Variants in FANCE observed in about 807,000 individuals in gnomAD.
FANCE encodes Fanconi anemia group E protein.
In FANCE, 42 loss-of-function variants were observed where a neutral mutation model predicts 57.8. That is an observed-to-expected ratio of 0.73 (90% CI 0.57 to 0.94). The LOEUF is 0.94. Ranked by LOEUF, FANCE falls within the 40% of genes least tolerant of loss-of-function variation. The pLI is 0.00. For synonymous variants in FANCE, 251 were observed against 286.4 expected, an observed-to-expected ratio of 0.88 and a Z score of 1.25; for missense variants, 608 against 661.8, an observed-to-expected ratio of 0.92 and a Z score of 0.89.
At chr6:35,458,275 T>TC (rs766204656) in intron 4 of FANCE, 22 bp from the exon 5 acceptor site, 4 of 1,612,214 alleles carry the variant, frequency 2.5e-6, no homozygotes, top group Non-Finnish European at 3.4e-6. Context: ...GTGTCCTCTC[T>TC]CCCCCCGCAC....
intron 9 of FANCE, 136 bp from the exon 10 acceptor site, chr6:35,466,108 G>A: frequency 1.4e-6 from 1 of 690,978 alleles, no homozygotes. Context: ...GTGAAATAAT[G>A]AGATTAGATT....
In FANCE at chr6:35,458,315, C is replaced by G. The variant is rs1263409404; in HGVS notation, c.988C>G (p.Gln330Glu). The stretch of plus-strand genomic sequence containing the variant: ...TAAGCAGATGGACTTGCTGTGTGCC[C>G]AGCTGCAGCTCCCTCAGCTCTCAGA... ...SPSQMDLLCA[Q>E]LQLPQLSDLG... Residue 330 changes from glutamine (Q) to glutamate (E), a missense_variant, in exon 5 of 10, where the codon CAG becomes GAG. By Grantham distance (29) the Gln-to-Glu change is conservative. Transcript: ENST00000229769. 4 of 1,614,040 alleles carry G rather than the reference C, an allele frequency of 2.5e-6. No homozygotes were observed. Among genetic ancestry groups the G allele is most frequent in the East Asian group, 2.2e-5 (1 of 44,888 alleles).
intron 8 of FANCE, among the ~76,000 whole-genome samples, chr6:35,461,372 C>T (rs957728210): frequency 6.6e-6 from 1 of 152,138 alleles, no homozygotes; most frequent in Non-Finnish European, 1.5e-5. Context: ...GAAAAATATT[C>T]CCCTTACTTC....
Position 35,456,517 on chromosome 6 carries a change from CTCT to C in FANCE, c.855+166_855+168del, listed in dbSNP as rs1240512347. ...GGGAATGTAGCCTCCACTCTACAGACTCTTTTTTTTTTTTGAGATGGAGTTTTG... is the reference window on the plus strand; with the variant it reads ...GGGAATGTAGCCTCCACTCTACAGACTTTTTTTTTTTGAGATGGAGTTTTG... On this transcript the variant is annotated intron_variant, in intron 2 of 9. Coordinates refer to ENST00000229769, the MANE Select transcript of FANCE (RefSeq NM_021922.3). This position sits in a 1 kb window ranked among gnomAD's most constrained non-coding sequence, Gnocchi z 4.3. Among the ~76,000 whole-genome samples the C allele has an allele frequency of 2.6e-5, 4 of 151,158 alleles. No individual in the cohort carries two copies. Among genetic ancestry groups the C allele is most frequent in the African/African-American group, 9.8e-5 (4 of 40,960 alleles).
Position 35,459,726 on chromosome 6 carries a change from T to A in FANCE, c.1282T>A (p.Ser428Thr), listed in dbSNP as rs1673870185. 4 of 1,614,054 alleles carry A rather than the reference T, an allele frequency of 2.5e-6. No homozygotes were observed. Among genetic ancestry groups the A allele is most frequent in the Non-Finnish European group, 2.5e-6 (3 of 1,180,022 alleles). The change falls in exon 7 of 10, where the codon TCC becomes ACC. Residue 428 changes from serine to threonine, a missense_variant. By Grantham distance (58) the Ser-to-Thr change is moderately conservative. Coordinates refer to ENST00000229769, the MANE Select transcript of FANCE (RefSeq NM_021922.3). Reference protein sequence around the residue: ...ELLCCLVKMESLEPDAQVLML... With the variant: ...ELLCCLVKMETLEPDAQVLML... ...ACTGTGTTGCCTTGTGAAGATGGAG[T>A]CCCTGGAGCCAGATGCACAGGTTCT...
At chr6:35,464,075 T>A (rs1400079805) in intron 9 of FANCE, among the ~76,000 whole-genome samples, 2 of 152,044 alleles carry the variant, frequency 1.3e-5, no homozygotes, top group Non-Finnish European at 2.9e-5. Context: ...CTGCAAGTAG[T>A]TCATTGTGGA....
chr6:35,458,732 G>A lies in FANCE; in HGVS notation c.1113+292G>A, dbSNP rs576181842. On this transcript the variant is annotated intron_variant, in intron 5 of 9. Coordinates refer to ENST00000229769, the MANE Select transcript of FANCE (RefSeq NM_021922.3). ...ATCTCCTGCCTCAGCCTCCTGAGTAGCTGGGATCACAGGTGCCTTCCACCA... is the reference window on the plus strand; with the variant it reads ...ATCTCCTGCCTCAGCCTCCTGAGTAACTGGGATCACAGGTGCCTTCCACCA... 1.1e-4 allele frequency among the ~76,000 whole-genome samples: 16 copies of A among 151,930 alleles called. No individual in the cohort carries two copies. The South Asian group carries it at 2.9e-3, about 28-fold the overall frequency.
chr6:35,455,318 C>CT (rs1323031562), intron 1 of FANCE, among the ~76,000 whole-genome samples: 1 of 149,432 alleles, frequency 6.7e-6, no homozygotes, highest in African/African-American at 2.5e-5. Context: ...TTTTTTTTTC[C>CT]TTTTTTTGAA....
chr6:35,464,036 C>T (rs534175651), intron 9 of FANCE, among the ~76,000 whole-genome samples: 1 of 152,024 alleles, frequency 6.6e-6, no homozygotes, highest in Admixed American at 6.6e-5. Flanking sequence ...GAAAAAGATA[C>T]AGTGTGAGCA....
rs1320890835 is a variant in FANCE at position 35,456,754 on chromosome 6, TC to T, written c.855+403del. ...GTCTTGAACTCCTGACCTCAGGTGATCCGCCCACCTTGGCCTCCAAAGTGTT... is the reference window on the plus strand; with the variant it reads ...GTCTTGAACTCCTGACCTCAGGTGATCGCCCACCTTGGCCTCCAAAGTGTT... On this transcript the variant is annotated intron_variant, in intron 2 of 9. Transcript: ENST00000229769. This position sits in a 1 kb window ranked among gnomAD's most constrained non-coding sequence, Gnocchi z 4.3. Among the ~76,000 whole-genome samples the T allele has an allele frequency of 3.9e-5, 6 of 152,166 alleles. No individual in the cohort carries two copies. Among genetic ancestry groups the T allele is most frequent in the African/African-American group, 1.2e-4 (5 of 41,446 alleles).
Position 35,456,410 on chromosome 6 carries a change from C to T in FANCE, c.855+57C>T, listed in dbSNP as rs961235084. The T allele has an allele frequency of 4.0e-5, 64 of 1,611,374 alleles. No homozygotes were observed. Among genetic ancestry groups the T allele is most frequent in the African/African-American group, 1.2e-4 (9 of 74,802 alleles). On this transcript the variant is annotated intron_variant, in intron 2 of 9. Transcript: ENST00000229769. The surrounding 1 kb of genome is among the most constrained non-coding windows in gnomAD (Gnocchi z 4.3). The stretch of plus-strand genomic sequence containing the variant: ...ATCTTTCAGCAGTGGTGGCTTTATC[C>T]ATGGGGAAGGCTGCTTGGGACACTT...
chr6:35,458,778 TTTTA>T (rs1339917931), intron 5 of FANCE, among the ~76,000 whole-genome samples: 3 of 151,858 alleles, frequency 2.0e-5, no homozygotes, highest in Admixed American at 1.3e-4. Context: ...ATTTTTGTAT[TTTTA>T]TTTATTTATT....
chr6:35,456,082 A>G lies in FANCE; in HGVS notation c.584A>G (p.Gln195Arg). Reference sequence around the variant, plus strand: ...GAAGAAGAGGAGAACAGGGACTCCCAGCAGCCTGGGAAACGCAGAAAGGAC... The same window carrying G: ...GAAGAAGAGGAGAACAGGGACTCCCGGCAGCCTGGGAAACGCAGAAAGGAC... Reference protein sequence around the residue: ...DPEEEENRDSQQPGKRRKDSE... With the variant: ...DPEEEENRDSRQPGKRRKDSE... Residue 195 changes from glutamine to arginine, a missense_variant, in exon 2 of 10, where the codon CAG becomes CGG. Coordinates refer to ENST00000229769, the MANE Select transcript of FANCE (RefSeq NM_021922.3). This position sits in a 1 kb window ranked among gnomAD's most constrained non-coding sequence, Gnocchi z 4.3. 1.2e-6 allele frequency: 2 copies of G among 1,613,958 alleles called. No individual in the cohort carries two copies. Among genetic ancestry groups the G allele is most frequent in the Non-Finnish European group, 1.7e-6 (2 of 1,179,962 alleles).
At chr6:35,453,069 G>A (rs1253069803) in intron 1 of FANCE, among the ~76,000 whole-genome samples, 2 of 152,192 alleles carry the variant, frequency 1.3e-5, no homozygotes, top group Non-Finnish European at 2.9e-5. Context: ...GGACTCGTAC[G>A]TCCAGTGTAA....
rs1767368835 is a variant in FANCE, at chr6:35,456,989, G to T, written c.856-567G>T. 6.6e-6 allele frequency among the ~76,000 whole-genome samples: 1 copy of T among 152,220 alleles called. No homozygotes were observed. The highest frequency in any genetic ancestry group is 2.1e-4 in the South Asian group (1 of 4,834). The stretch of plus-strand genomic sequence containing the variant: ...TCATGACAGCATCCAGTCTGCCCCT[G>T]CCTCCTAGTCTGAGGCCTGGGTCTA... On this transcript the variant is annotated intron_variant, in intron 2 of 9. Transcript: ENST00000229769. The surrounding 1 kb of genome is among the most constrained non-coding windows in gnomAD (Gnocchi z 4.3).
chr6:35,456,334 A>C lies in FANCE; in HGVS notation c.836A>C (p.Glu279Ala), dbSNP rs775149076. ...GCTAAAGGTCTGGCTGAGAGTTTGG[A>C]GTTGCCCAAAGCTATCCAGGTACTT... ...DDAKGLAESL[E>A]LPKAIQDQLP... The change falls in exon 2 of 10, where the codon GAG becomes GCG. Residue 279 changes from glutamate (E) to alanine (A), a missense_variant. Glu to Ala is a moderately radical substitution (Grantham distance 107, BLOSUM62 -1). Coordinates refer to ENST00000229769, the MANE Select transcript of FANCE (RefSeq NM_021922.3). The surrounding 1 kb of genome is among the most constrained non-coding windows in gnomAD (Gnocchi z 4.3). 1 of 1,614,118 alleles carries C rather than the reference A, an allele frequency of 6.2e-7. No homozygotes were observed. The highest frequency in any genetic ancestry group is 1.1e-5 in the South Asian group (1 of 91,086).
In FANCE at chr6:35,456,425, T is replaced by C; in HGVS notation, c.855+72T>C. 2 of 1,596,754 alleles carry C rather than the reference T, an allele frequency of 1.3e-6. No homozygotes were observed. On this transcript the variant is annotated intron_variant, in intron 2 of 9. Coordinates refer to ENST00000229769, the MANE Select transcript of FANCE (RefSeq NM_021922.3). This position sits in a 1 kb window ranked among gnomAD's most constrained non-coding sequence, Gnocchi z 4.3. The stretch of plus-strand genomic sequence containing the variant: ...TGGCTTTATCCATGGGGAAGGCTGC[T>C]TGGGACACTTTTTCCCAATGGAGTT...
rs149719310 is a variant in FANCE at position 35,457,969 on chromosome 6, A to G, written c.954A>G (p.Glu318=). Residue 318 remains glutamate, a synonymous_variant, in exon 4 of 10, where the codon GAA becomes GAG. Coordinates refer to ENST00000229769, the MANE Select transcript of FANCE (RefSeq NM_021922.3). ...APPVELQLLH[E]CSPSQMDLLC... ...CAGTTGAGCTACAGCTTCTTCACGA[A>G]TGTAGTCCCAGCCAGGTGAGTCCAG... The G allele has an allele frequency of 1.2e-4, 201 of 1,613,978 alleles. No individual in the cohort carries two copies. The highest frequency in any genetic ancestry group is 1.6e-4 in the Non-Finnish European group (187 of 1,179,978).
intron 6 of FANCE, 88 bp downstream of exon 6, chr6:35,459,542 G>A: frequency 6.2e-7 from 1 of 1,603,888 alleles, no homozygotes; most frequent in South Asian, 1.1e-5. Context: ...GCAGGAGTTG[G>A]GTATTCAGTG....
Sources: gnomAD v4.1 joint callset for allele counts (sites outside exome capture counted in the v4.1 genomes callset) on GRCh38, gnomAD v4.1.1 for gene constraint, Gnocchi (gnomAD v3.1) non-coding constraint, MANE v1.5 for transcripts, NCBI Gene and HGNC (gene_info 2026-07-23, HGNC 2026-07-21) for gene names.